COL22A1: variants seen among roughly 807,000 people sequenced by gnomAD.
COL22A1 encodes collagen type XXII alpha 1 chain, also known as collagen alpha-1(XXII) chain.
COL22A1 carries 221 observed loss-of-function variants against 248.9 expected under a neutral mutation model. The ratio of observed to expected loss-of-function variants is 0.89; its 90% CI spans 0.80 to 0.99. The LOEUF is 0.99. COL22A1 is among the 50% of genes least tolerant of loss of function. COL22A1 has a pLI of 0.00. For synonymous variants in COL22A1, 891 were observed against 793.4 expected, an observed-to-expected ratio of 1.12 and a Z score of -2.07; for missense variants, 2,240 against 2,179.0, an observed-to-expected ratio of 1.03 and a Z score of -0.56.
At chr8:138,673,229 T>TTA (rs1554742596) in intron 41 of COL22A1, among the ~76,000 whole-genome samples, 12 of 151,032 alleles carry the variant, frequency 7.9e-5, no homozygotes, top group Middle Eastern at 3.4e-3. Context: ...TTTTTTTTTT[T>TTA]AGACAGAGTC....
At chr8:138,861,777 C>A (rs1477867091) in intron 3 of COL22A1, among the ~76,000 whole-genome samples, 1 of 152,200 alleles carries the variant, frequency 6.6e-6, no homozygotes, top group Non-Finnish European at 1.5e-5. Context: ...AAGCAGTACT[C>A]CTCTCTTGGT....
intron 11 of COL22A1, among the ~76,000 whole-genome samples, chr8:138,802,283 C>A (rs1001737741): frequency 3.9e-5 from 6 of 152,050 alleles, no homozygotes; most frequent in African/African-American, 1.4e-4. Flanking sequence ...TGCATTCACT[C>A]ATCAGCTGAA....
chr8:138,689,984 AAAT>A (rs1826697827), intron 36 of COL22A1, among the ~76,000 whole-genome samples: 1 of 152,206 alleles, frequency 6.6e-6, no homozygotes, highest in Non-Finnish European at 1.5e-5. Flanking sequence ...CCTCCATGTA[AAAT>A]AATAATATTC....
At position 138,613,868 on chromosome 8, in the gene COL22A1, G is replaced by T; in HGVS notation, c.3977C>A (p.Pro1326Gln). 1 of 1,613,640 alleles carries T rather than the reference G, an allele frequency of 6.2e-7. No individual in the cohort carries two copies. Among genetic ancestry groups the T allele is most frequent in the Non-Finnish European group, 8.5e-7 (1 of 1,179,548 alleles). Residue 1326 changes from proline to glutamine, a missense_variant and splice_region_variant, in exon 56 of 65, where the codon CCG becomes CAG. Coordinates refer to ENST00000303045, the MANE Select transcript of COL22A1 (RefSeq NM_152888.3). ...PQGPQGPRGP[P>Q]GKNGSPGSPG... Reference sequence around the variant, plus strand: ...CATTAGTCGCAAAGCAAAACTCACCGGTGGGCCCCTTGGTCCTTGGGGACC... The same window carrying T: ...CATTAGTCGCAAAGCAAAACTCACCTGTGGGCCCCTTGGTCCTTGGGGACC...
chr8:138,747,522 C>T (rs938045434), intron 22 of COL22A1, among the ~76,000 whole-genome samples: 2 of 152,136 alleles, frequency 1.3e-5, no homozygotes, highest in South Asian at 2.1e-4. Flanking sequence ...TCCACACCTG[C>T]GCCTGCCCCA....
At chr8:138,755,684 G>T in intron 19 of COL22A1, 101 bp downstream of exon 19, 1 of 1,405,744 alleles carries the variant, frequency 7.1e-7, no homozygotes. Context: ...TCCAACCCAT[G>T]TCCTTGGAAG....
intron 1 of COL22A1, among the ~76,000 whole-genome samples, chr8:138,903,332 G>A (rs1180699793): frequency 6.6e-6 from 1 of 152,164 alleles, no homozygotes; most frequent in African/African-American, 2.4e-5. Flanking sequence ...CTTCCTGAAG[G>A]AAACAGAAAT....
chr8:138,867,149 A>G (rs1006980425), intron 3 of COL22A1, among the ~76,000 whole-genome samples: 5 of 152,212 alleles, frequency 3.3e-5, no homozygotes, highest in African/African-American at 1.2e-4. Flanking sequence ...GAGAGCAGCC[A>G]TCGACAATAC....
intron 5 of COL22A1, among the ~76,000 whole-genome samples, chr8:138,832,492 T>A (rs1431089746): frequency 6.6e-6 from 1 of 152,212 alleles, no homozygotes; most frequent in Non-Finnish European, 1.5e-5. Context: ...TGTCAGGAAC[T>A]GGACAAATCT....
chr8:138,612,883 C>T (rs1265507685), intron 56 of COL22A1, among the ~76,000 whole-genome samples: 1 of 134,292 alleles, frequency 7.4e-6, no homozygotes, highest in Non-Finnish European at 1.5e-5. Flanking sequence ...TTGCAATGAG[C>T]CAAGATCACG....
chr8:138,877,258 G>C lies in COL22A1; in HGVS notation c.658+492C>G, dbSNP rs550114350. ...TAAATGACTGACTCTGGGCTGCTGG[G>C]AAGAGCCGAGGGAGCCTGAATGCTT... On this transcript the variant is annotated intron_variant, in intron 3 of 64. Transcript: ENST00000303045. Among the ~76,000 whole-genome samples the C allele has an allele frequency of 2.0e-4, 30 of 152,326 alleles. No homozygotes were observed. In the East Asian group the frequency reaches 4.3e-3, roughly 22 times the overall value.
At chr8:138,806,005 TGAC>T (rs1817596952) in intron 10 of COL22A1, among the ~76,000 whole-genome samples, 1 of 140,530 alleles carries the variant, frequency 7.1e-6, no homozygotes, top group Non-Finnish European at 1.5e-5. Context: ...TGTGTGTGTG[TGAC>T]GGTGTAGGTA....
chr8:138,807,689 C>A lies in COL22A1; in HGVS notation c.1494+79G>T, dbSNP rs541909935. 10 of 1,349,012 alleles carry A rather than the reference C, an allele frequency of 7.4e-6. No individual in the cohort carries two copies. In the East Asian group the frequency reaches 2.1e-4, roughly 29 times the overall value. 83.6% of individuals were successfully genotyped at this position (1,349,012 alleles called of 1,614,324 possible). A position where few individuals can be genotyped will look rare whatever the true frequency, so the allele number is the denominator to read the frequency against. On this transcript the variant is annotated intron_variant, in intron 10 of 64. Transcript: ENST00000303045. ...ATTAGCAAGGCAGCATCCCCACACA[C>A]CATCTTTTGTCTTATATAGACAGCA... is the stretch of plus-strand genomic sequence containing the variant.
chr8:138,755,795 G>A lies in COL22A1; in HGVS notation c.1937C>T (p.Pro646Leu). 6.2e-7 allele frequency: 1 copy of A among 1,614,106 alleles called. No individual in the cohort carries two copies. The highest frequency in any genetic ancestry group is 1.1e-5 in the South Asian group (1 of 91,078). ...DVGPAGPPGV[P>L]GSVVQQEGLK... Reference sequence around the variant, plus strand: ...CCACTGCTGACTCACCACTGAGCCTGGTACACCAGGTGGCCCCGCAGGTCC... The same window carrying A: ...CCACTGCTGACTCACCACTGAGCCTAGTACACCAGGTGGCCCCGCAGGTCC... The change falls in exon 19 of 65, where the codon CCA (proline) becomes CTA (leucine). Residue 646 changes from proline (P) to leucine (L), a missense_variant. Physicochemically the swap from Pro to Leu is moderately conservative, Grantham distance 98 (BLOSUM62 -3). Transcript: ENST00000303045.
Position 138,724,534 on chromosome 8 carries a change from C to T in COL22A1, c.2247+81G>A, listed in dbSNP as rs551001767. 4.3e-5 allele frequency: 60 copies of T among 1,401,110 alleles called. No individual in the cohort carries two copies. In the East Asian group the frequency reaches 1.4e-3, roughly 32 times the overall value. The allele number at this position is 1,401,110 out of a possible 1,614,324, so 86.8% of individuals were successfully genotyped here. A position where few individuals can be genotyped will look rare whatever the true frequency, so the allele number is the denominator to read the frequency against. ...TCAGCTCTAGGAAAGTGGCTCTGGG[C>T]CAGCTGCAAGGGCTCAGTGCTCCCC... On this transcript the variant is annotated intron_variant, in intron 25 of 64. Transcript: ENST00000303045.
chr8:138,630,365 C>G (rs1450935789), intron 50 of COL22A1, among the ~76,000 whole-genome samples: 1 of 152,196 alleles, frequency 6.6e-6, no homozygotes, highest in African/African-American at 2.4e-5. Flanking sequence ...CTTCCCTGCA[C>G]CTGCTCAATA....
intron 6 of COL22A1, among the ~76,000 whole-genome samples, chr8:138,824,281 T>C (rs957733346): frequency 2.0e-5 from 3 of 152,220 alleles, no homozygotes; most frequent in South Asian, 2.1e-4. Flanking sequence ...AGGGAGGGCA[T>C]CCAGCAGTCC....
At chr8:138,746,022 G>A (rs1466311505) in intron 22 of COL22A1, among the ~76,000 whole-genome samples, 2 of 152,248 alleles carry the variant, frequency 1.3e-5, no homozygotes, top group Non-Finnish European at 2.9e-5. Context: ...GGGCAGGTGG[G>A]CGGGCATCTC....
chr8:138,633,619 AT>A (rs1441882787), intron 49 of COL22A1, among the ~76,000 whole-genome samples: 1 of 152,216 alleles, frequency 6.6e-6, no homozygotes, highest in East Asian at 1.9e-4. Context: ...TGAATAAACT[AT>A]TTTTTAAGTA....
Sources: allele counts gnomAD v4.1 joint callset (sites outside exome capture counted in the v4.1 genomes callset), GRCh38; gene constraint gnomAD v4.1.1; transcripts MANE v1.5; gene names NCBI Gene and HGNC (gene_info 2026-07-23, HGNC 2026-07-21).